Variants in SGO2 observed in about 807,000 individuals in gnomAD.
SGO2 encodes the protein shugoshin-like 2.
Under a neutral mutation model 99.5 loss-of-function variants are expected in SGO2, and 68 were observed. The observed-to-expected ratio is 0.68, with a 90% CI of 0.56 to 0.84. The LOEUF (loss-of-function observed/expected upper bound fraction) is 0.84. Among genes scored for constraint, SGO2 ranks in the 40% least tolerant of loss-of-function variants. The pLI is 0.00. For synonymous variants in SGO2, 457 were observed against 487.1 expected (o/e 0.94, Z 0.81); for missense variants, 1,350 against 1,436.7 (o/e 0.94, Z 0.97).
rs986643991 is a variant in SGO2, at chr2:200,540,282, T to A, written c.388-2297T>A. On this transcript the variant is annotated intron_variant, in intron 4 of 8. Transcript: ENST00000357799. ...GACAAGTGATTGATTTTTGATTGTA[T>A]CTTGGACATTTTAGATGCATTATAA... Among the ~76,000 whole-genome samples, 4 of 152,246 alleles carry A rather than the reference T, an allele frequency of 2.6e-5. No individual in the cohort carries two copies. The South Asian group carries it at 6.2e-4, about 24-fold the overall frequency.
At chr2:200,547,090 A>G (rs1424186252) in intron 5 of SGO2, among the ~76,000 whole-genome samples, 12 of 152,216 alleles carry the variant, frequency 7.9e-5, no homozygotes, top group Admixed American at 7.9e-4. Flanking sequence ...AAACTCTCAA[A>G]GGTCAAAGAC....
chr2:200,541,348 C>T (rs555496374), intron 4 of SGO2, among the ~76,000 whole-genome samples: 1 of 152,272 alleles, frequency 6.6e-6, no homozygotes, highest in East Asian at 1.9e-4. Context: ...AACCAGGGAC[C>T]TACCTCTCCT....
chr2:200,545,976 G>A (rs915500419), intron 5 of SGO2, among the ~76,000 whole-genome samples: 3 of 152,202 alleles, frequency 2.0e-5, no homozygotes, highest in Non-Finnish European at 1.5e-5. Context: ...CCAAATGAGA[G>A]TGGTTGTAGG....
chr2:200,526,726 C>G lies in SGO2; in HGVS notation c.-3+474C>G, dbSNP rs1428575870. 6.6e-6 allele frequency among the ~76,000 whole-genome samples: 1 copy of G among 152,048 alleles called. No homozygotes were observed. The highest frequency in any genetic ancestry group is 1.5e-5 in the Non-Finnish European group (1 of 68,026). ...GAGAACTTGGAACTTAGAACTTGAG[C>G]TGCTTGATGTACAGGTAGGATTTCA... is the stretch of plus-strand genomic sequence containing the variant. On this transcript the variant is annotated intron_variant, in intron 1 of 8. Transcript: ENST00000357799. This position sits in a 1 kb window ranked among gnomAD's most constrained non-coding sequence, Gnocchi z 4.8.
intron 8 of SGO2, among the ~76,000 whole-genome samples, chr2:200,576,392 A>G (rs1479027268): frequency 6.6e-6 from 1 of 152,018 alleles, no homozygotes; most frequent in Non-Finnish European, 1.5e-5. Flanking sequence ...CCTGGCCAAC[A>G]TGGTGAAACC....
At chr2:200,556,820 CGA>C (rs57636355) in intron 5 of SGO2, among the ~76,000 whole-genome samples, 8 of 149,566 alleles carry the variant, frequency 5.3e-5, no homozygotes, top group African/African-American at 7.3e-5. Flanking sequence ...AACTCCTGGC[CGA>C]GAGAGAGAGA....
chr2:200,529,817 T>G (rs944254657), intron 1 of SGO2, among the ~76,000 whole-genome samples: 38 of 152,200 alleles, frequency 2.5e-4, no homozygotes, highest in African/African-American at 8.9e-4. Context: ...CATGAGCCAC[T>G]GCACCCAGCC....
rs753304370 is a variant in SGO2 at position 200,571,281 on chromosome 2, A to G, written c.935A>G (p.Asn312Ser). Reference protein sequence around the residue: ...SPELNCNNEINGHTNETNTEM... With the variant: ...SPELNCNNEISGHTNETNTEM... ...GAATTAAATTGCAATAATGAGATAAATGGTCATACTAATGAAACAAATACT... is the reference window on the plus strand; with the variant it reads ...GAATTAAATTGCAATAATGAGATAAGTGGTCATACTAATGAAACAAATACT... Residue 312 changes from asparagine (N) to serine (S), a missense_variant, in exon 7 of 9, where the codon AAT becomes AGT. By Grantham distance (46) the Asn-to-Ser change is conservative. Coordinates refer to ENST00000357799, the MANE Select transcript of SGO2 (RefSeq NM_152524.6). 8.0e-5 allele frequency: 129 copies of G among 1,613,276 alleles called. No individual in the cohort carries two copies. In the South Asian group the frequency reaches 1.4e-3, roughly 17 times the overall value.
intron 5 of SGO2, chr2:200,543,750 T>C (rs2032075188): frequency 6.6e-6 from 1 of 152,216 alleles, no homozygotes; most frequent in African/African-American, 2.4e-5. Context: ...GTTTATTAGA[T>C]CCTTAGTAGT....
intron 4 of SGO2, among the ~76,000 whole-genome samples, chr2:200,541,415 G>T (rs1458820712): frequency 6.6e-6 from 1 of 152,058 alleles, no homozygotes; most frequent in Non-Finnish European, 1.5e-5. Context: ...TATTCACCCT[G>T]CCCTGTCTTG....
At chr2:200,558,866 G>C (rs552703277) in intron 5 of SGO2, among the ~76,000 whole-genome samples, 1 of 151,318 alleles carries the variant, frequency 6.6e-6, no homozygotes, top group South Asian at 2.1e-4. Flanking sequence ...GCAGTGGTGC[G>C]ATCTTGGCTC....
chr2:200,534,397 T>G (rs1559198277), intron 2 of SGO2, among the ~76,000 whole-genome samples: 1 of 152,188 alleles, frequency 6.6e-6, no homozygotes, highest in African/African-American at 2.4e-5. Flanking sequence ...TTGCAGTAGA[T>G]GCCTAGAAAT....
intron 1 of SGO2, among the ~76,000 whole-genome samples, chr2:200,528,597 G>T (rs2031216484): frequency 6.6e-6 from 1 of 152,172 alleles, no homozygotes; most frequent in Non-Finnish European, 1.5e-5. Flanking sequence ...ATCCTAGTTG[G>T]AGATGCGTAG....
intron 4 of SGO2, among the ~76,000 whole-genome samples, chr2:200,539,749 T>A (rs2031869858): frequency 6.6e-6 from 1 of 152,142 alleles, no homozygotes; most frequent in African/African-American, 2.4e-5. Flanking sequence ...GATGTCTCTA[T>A]CAAGTTTGGA....
At chr2:200,545,517 C>T (rs184282308) in intron 5 of SGO2, among the ~76,000 whole-genome samples, 13 of 152,038 alleles carry the variant, frequency 8.6e-5, no homozygotes, top group Non-Finnish European at 1.8e-4. Flanking sequence ...GTAAGATAAG[C>T]TGGCTTCTCT....
At position 200,572,727 on chromosome 2, in the gene SGO2, T is replaced by A. The variant is rs375162005; in HGVS notation, c.2381T>A (p.Met794Lys). The A allele has an allele frequency of 3.7e-6, 6 of 1,613,106 alleles. No individual in the cohort carries two copies. Among genetic ancestry groups the A allele is most frequent in the Non-Finnish European group, 5.1e-6 (6 of 1,179,468 alleles). ...TTGGGGGTGAAACATGGCCATGATA[T>A]GCAACCTGCTTGTCAAAATGATTCA... ...NVLGVKHGHD[M>K]QPACQNDSKI... is the part of the protein sequence containing the mutation. Residue 794 changes from methionine (M) to lysine (K), a missense_variant, in exon 7 of 9, where the codon ATG (methionine) becomes AAG (lysine). Coordinates refer to ENST00000357799, the MANE Select transcript of SGO2 (RefSeq NM_152524.6).
chr2:200,580,246 GTAAAT>G (rs1406633044), intron 8 of SGO2, among the ~76,000 whole-genome samples: 1 of 151,980 alleles, frequency 6.6e-6, no homozygotes, highest in Non-Finnish European at 1.5e-5. Context: ...AATTAGACAT[GTAAAT>G]TAATTTTAAA....
intron 4 of SGO2, among the ~76,000 whole-genome samples, chr2:200,538,550 C>G (rs567942072): frequency 5.3e-5 from 8 of 152,256 alleles, no homozygotes; most frequent in African/African-American, 1.9e-4. Flanking sequence ...AGAATGTAAG[C>G]TTTTTGAGTG....
chr2:200,567,250 G>C (rs1438945619), intron 5 of SGO2, among the ~76,000 whole-genome samples: 1 of 152,152 alleles, frequency 6.6e-6, no homozygotes, highest in Non-Finnish European at 1.5e-5. Flanking sequence ...TCTGTAGTGA[G>C]AACCTTTCTT....
Sources: allele counts gnomAD v4.1 joint callset (sites outside exome capture counted in the v4.1 genomes callset), GRCh38; gene constraint gnomAD v4.1.1; non-coding constraint Gnocchi (gnomAD v3.1); transcripts MANE v1.5; gene names NCBI Gene and HGNC (gene_info 2026-07-23, HGNC 2026-07-21).